Variants in IL1RAPL2 observed in about 807,000 individuals in gnomAD.
IL1RAPL2 encodes the protein interleukin 1 receptor accessory protein like 2.
A neutral mutation model predicts 44.1 loss-of-function variants in IL1RAPL2; 3 were observed. The observed-to-expected ratio is 0.07, with a 90% CI of 0.03 to 0.18. IL1RAPL2 has a LOEUF of 0.18. Among genes scored for constraint, IL1RAPL2 ranks in the 10% least tolerant of loss-of-function variants. IL1RAPL2 has a pLI of 1.00. For synonymous variants in IL1RAPL2, 181 were observed against 178.8 expected (o/e 1.01, Z -0.10); for missense variants, 391 against 496.4 (o/e 0.79, Z 2.02).
chrX:105,625,893 T>C (rs776059271), intron 6 of IL1RAPL2, among the ~76,000 whole-genome samples: 5 of 111,925 alleles, frequency 4.5e-5, no homozygotes, highest in Non-Finnish European at 7.5e-5. Flanking sequence ...TAGAGATTCA[T>C]TTAAATATTC....
At chrX:105,483,558 T>C (rs746590485) in intron 5 of IL1RAPL2, among the ~76,000 whole-genome samples, 7 of 111,309 alleles carry the variant, frequency 6.3e-5, no homozygotes, top group Non-Finnish European at 1.3e-4. Context: ...TTAAGTTTCG[T>C]ATGGAGATCC....
intron 6 of IL1RAPL2, among the ~76,000 whole-genome samples, chrX:105,623,699 C>A (rs2037435356): frequency 9.0e-6 from 1 of 111,032 alleles, no homozygotes; most frequent in East Asian, 2.9e-4. Context: ...CATGAAGGAC[C>A]TTCCCTAAGT....
intron 2 of IL1RAPL2, among the ~76,000 whole-genome samples, chrX:104,890,106 A>G (rs1334523576): frequency 9.0e-6 from 1 of 111,601 alleles, no homozygotes; most frequent in East Asian, 2.8e-4. Context: ...AGCTTCATCC[A>G]TGTCCCTACA....
chrX:105,397,718 T>C (rs996065852), intron 5 of IL1RAPL2, among the ~76,000 whole-genome samples: 1 of 111,408 alleles, frequency 9.0e-6, no homozygotes, highest in East Asian at 2.8e-4. Context: ...GTATTTTTAT[T>C]GTCTCTTAAT....
intron 2 of IL1RAPL2, among the ~76,000 whole-genome samples, chrX:104,922,269 C>T (rs1452675322): frequency 8.8e-6 from 1 of 113,215 alleles, no homozygotes; most frequent in Non-Finnish European, 1.9e-5. Context: ...TCGGCAATCG[C>T]CATCTACTGG....
intron 6 of IL1RAPL2, among the ~76,000 whole-genome samples, chrX:105,535,159 C>A (rs1471656541): frequency 1.1e-4 from 12 of 111,678 alleles, no homozygotes; most frequent in Admixed American, 1.0e-3. Flanking sequence ...CAGAATTCAA[C>A]AATAAGAAAA....
In IL1RAPL2 at chrX:104,730,450, T is replaced by C. The variant is rs1391770087; in HGVS notation, c.82+71455T>C. ...ATGTGTTCTCATTGTTCAATTCCCA[T>C]CTATGAGTGAGAACATGTGGTGTTT... On this transcript the variant is annotated intron_variant, in intron 2 of 10. Coordinates refer to ENST00000372582, the MANE Select transcript of IL1RAPL2 (RefSeq NM_017416.2). Among the ~76,000 whole-genome samples, 172 of 92,570 alleles carry C rather than the reference T, an allele frequency of 1.9e-3. 2 individuals carry two copies. Among genetic ancestry groups the C allele is most frequent in the Non-Finnish European group, 1.9e-3 (91 of 47,004 alleles). 80.4% of individuals were successfully genotyped at this position (92,570 alleles called of 115,157 possible). A position where few individuals can be genotyped will look rare whatever the true frequency, so the allele number is the denominator to read the frequency against.
At chrX:105,762,553 TTCTC>T (rs1191843711) in intron 10 of IL1RAPL2, among the ~76,000 whole-genome samples, 2 of 112,232 alleles carry the variant, frequency 1.8e-5, no homozygotes, top group African/African-American at 3.2e-5. Flanking sequence ...ACTTTTTTCT[TTCTC>T]TAATTGTTGA....
chrX:104,943,649 T>A (rs1427170444), intron 2 of IL1RAPL2, among the ~76,000 whole-genome samples: 2 of 111,491 alleles, frequency 1.8e-5, no homozygotes, highest in Non-Finnish European at 1.9e-5. Context: ...TGTTCATAAG[T>A]CTTCTTCCTT....
intron 2 of IL1RAPL2, among the ~76,000 whole-genome samples, chrX:105,129,664 T>A (rs184466625): frequency 9.0e-6 from 1 of 110,828 alleles, no homozygotes; most frequent in East Asian, 2.9e-4. Flanking sequence ...ATATATCATC[T>A]AATTTATATA....
rs1251097361 is a variant in IL1RAPL2, at chrX:105,033,801, T to G, written c.83-161674T>G. On this transcript the variant is annotated intron_variant, in intron 2 of 10. Transcript: ENST00000372582. ...GCTAGATTGGGGAAGTTCTCCTGGATTATATCCTGCAGAGTGTTTTCCAAC... is the reference window on the plus strand; with the variant it reads ...GCTAGATTGGGGAAGTTCTCCTGGAGTATATCCTGCAGAGTGTTTTCCAAC... Among the ~76,000 whole-genome samples the G allele has an allele frequency of 7.1e-5, 8 of 112,178 alleles. No individual in the cohort carries two copies. In the Admixed American group the frequency reaches 7.5e-4, roughly 11 times the overall value.
chrX:105,271,932 AT>A (rs750130202), intron 5 of IL1RAPL2, among the ~76,000 whole-genome samples: 81 of 108,757 alleles, frequency 7.4e-4, no homozygotes, highest in African/African-American at 2.5e-3. Context: ...GCTTAAGGAG[AT>A]TTTGGGCTGA....
chrX:105,534,753 G>T (rs145650926), intron 6 of IL1RAPL2, among the ~76,000 whole-genome samples: 502 of 111,723 alleles, frequency 4.5e-3, no homozygotes, highest in Non-Finnish European at 8.1e-3. Context: ...TATGTAGAAA[G>T]GATAATATTT....
chrX:105,661,404 C>T lies in IL1RAPL2; in HGVS notation c.773-55963C>T, dbSNP rs977209727. 2.7e-5 allele frequency among the ~76,000 whole-genome samples: 3 copies of T among 112,001 alleles called. No homozygotes were observed. In the South Asian group the frequency reaches 1.1e-3, roughly 42 times the overall value. On this transcript the variant is annotated intron_variant, in intron 6 of 10. Coordinates refer to ENST00000372582, the MANE Select transcript of IL1RAPL2 (RefSeq NM_017416.2). ...TCAACAAAGAAACATTGAATTTAAT[C>T]TGTACTATAGACCAAATGAGTTTAC...
intron 2 of IL1RAPL2, among the ~76,000 whole-genome samples, chrX:104,756,762 G>T (rs1932346721): frequency 9.1e-6 from 1 of 110,010 alleles, no homozygotes; most frequent in Non-Finnish European, 1.9e-5. Context: ...TTTAGTTAAA[G>T]GGGCCAGGGA....
At chrX:105,028,947 A>G (rs2031425942) in intron 2 of IL1RAPL2, among the ~76,000 whole-genome samples, 1 of 110,191 alleles carries the variant, frequency 9.1e-6, no homozygotes, top group Admixed American at 9.7e-5. Context: ...ATACTTATGT[A>G]TTTAGATTTT....
At chrX:104,990,798 A>C (rs913366422) in intron 2 of IL1RAPL2, among the ~76,000 whole-genome samples, 2 of 111,661 alleles carry the variant, frequency 1.8e-5, no homozygotes, top group African/African-American at 6.5e-5. Context: ...ATTATATTTA[A>C]AGGTCAACAG....
chrX:105,227,196 A>T (rs1569408978), intron 3 of IL1RAPL2, among the ~76,000 whole-genome samples: 1 of 110,686 alleles, frequency 9.0e-6, no homozygotes, highest in African/African-American at 3.3e-5. Context: ...CATTGTGCAC[A>T]TGTACCCTAA....
intron 2 of IL1RAPL2, among the ~76,000 whole-genome samples, chrX:104,850,476 A>T (rs1922196391): frequency 9.0e-6 from 1 of 111,542 alleles, no homozygotes; most frequent in Admixed American, 9.6e-5. Flanking sequence ...TCAGACAGAG[A>T]TATATTATGG....
Sources: allele counts gnomAD v4.1 joint callset (sites outside exome capture counted in the v4.1 genomes callset), GRCh38; gene constraint gnomAD v4.1.1; transcripts MANE v1.5; gene names NCBI Gene and HGNC (gene_info 2026-07-23, HGNC 2026-07-21).